FAM168A: variants seen among roughly 807,000 people sequenced by gnomAD.
FAM168A encodes protein FAM168A.
In FAM168A, 3 loss-of-function variants were observed where a neutral mutation model predicts 28.5. The ratio of observed to expected loss-of-function variants is 0.11; its 90% CI spans 0.05 to 0.27. FAM168A has a LOEUF of 0.27. Ranked by LOEUF, FAM168A falls within the 10% of genes least tolerant of loss-of-function variation. The pLI is 1.00. For synonymous variants in FAM168A, 122 were observed against 124.2 expected (o/e 0.98, Z 0.12); for missense variants, 222 against 311.5 (o/e 0.71, Z 2.16).
intron 1 of FAM168A, among the ~76,000 whole-genome samples, chr11:73,572,234 G>A (rs1377307875): frequency 8.0e-4 from 120 of 149,208 alleles, no homozygotes; most frequent in Admixed American, 2.5e-3. Flanking sequence ...CCGGCCAGCC[G>A]CCCCGTCCGG....
rs560834365 is a variant in FAM168A, at chr11:73,401,750, C to G, written c.*5013G>C. On this transcript the variant is annotated 3_prime_UTR_variant, in exon 8 of 8. Transcript: ENST00000356467. Reference sequence around the variant, plus strand: ...GCTTTGTGGCAGCCAGTCCCAACTCCTGTGTGCCTCGGTTGGCCTTTGGGT... The same window carrying G: ...GCTTTGTGGCAGCCAGTCCCAACTCGTGTGTGCCTCGGTTGGCCTTTGGGT... 25 of 152,376 alleles carry G rather than the reference C, an allele frequency of 1.6e-4. No homozygotes were observed. Among genetic ancestry groups the G allele is most frequent in the Admixed American group, 1.2e-3 (19 of 15,310 alleles). The allele number at this position is 152,376 out of a possible 1,614,324, so 9.4% of individuals were successfully genotyped here.
At position 73,430,750 on chromosome 11, in the gene FAM168A, C is replaced by T. The variant is rs1866974967; in HGVS notation, c.91G>A (p.Ala31Thr). The T allele has an allele frequency of 6.2e-7, 1 of 1,612,988 alleles. No homozygotes were observed. Among genetic ancestry groups the T allele is most frequent in the Admixed American group, 1.7e-5 (1 of 59,900 alleles). Residue 31 changes from alanine to threonine, a missense_variant, in exon 3 of 8, where the codon GCA becomes ACA. Ala to Thr is a moderately conservative substitution (Grantham distance 58). Coordinates refer to ENST00000356467, the MANE Select transcript of FAM168A (RefSeq NM_015159.3). Reference sequence around the variant, plus strand: ...CTGGGATTGTAGGCAGGGGCAGCTGCTGGATAGGCTGTGGGGTAACCTACA... The same window carrying T: ...CTGGGATTGTAGGCAGGGGCAGCTGTTGGATAGGCTGTGGGGTAACCTACA... The part of the protein sequence containing the change: ...AYTGYPTAYP[A>T]AAPAYNPSLY...
intron 4 of FAM168A, among the ~76,000 whole-genome samples, chr11:73,415,244 C>G (rs1399058522): frequency 6.6e-6 from 1 of 152,206 alleles, no homozygotes; most frequent in African/African-American, 2.4e-5. Flanking sequence ...TTTGTCCAGA[C>G]AGTCTGAGAT....
rs1273904817 is a variant in FAM168A, at chr11:73,401,350, A to T, written c.*5413T>A. ...TTTCAAGATTATTACAGACAACTCC[A>T]AGTAGCTAGAGGCCTGGCCTTACCC... On this transcript the variant is annotated 3_prime_UTR_variant, in exon 8 of 8. Transcript: ENST00000356467. 1 of 152,122 alleles carries T rather than the reference A, an allele frequency of 6.6e-6. No homozygotes were observed. Among genetic ancestry groups the T allele is most frequent in the Non-Finnish European group, 1.5e-5 (1 of 68,016 alleles). The allele number at this position is 152,122 out of a possible 1,614,324, so 9.4% of individuals were successfully genotyped here. A position where few individuals can be genotyped will look rare whatever the true frequency, so the allele number is the denominator to read the frequency against.
intron 1 of FAM168A, among the ~76,000 whole-genome samples, chr11:73,535,620 T>C (rs1445443986): frequency 1.3e-5 from 2 of 151,698 alleles, no homozygotes; most frequent in Non-Finnish European, 2.9e-5. Context: ...GGGGTTTCAC[T>C]GTGTTAGCCA....
intron 1 of FAM168A, chr11:73,510,755 T>C (rs927324255): frequency 5.3e-6 from 2 of 377,204 alleles, no homozygotes; most frequent in African/African-American, 4.2e-5. Flanking sequence ...TGAGCTATGA[T>C]ATCAATTGGC....
intron 1 of FAM168A, among the ~76,000 whole-genome samples, chr11:73,560,119 A>G (rs1565298501): frequency 6.6e-6 from 1 of 152,098 alleles, no homozygotes. Context: ...GCTGGAGTGC[A>G]GTGGCATGAA....
chr11:73,524,917 T>A (rs1376622293), intron 1 of FAM168A, among the ~76,000 whole-genome samples: 2 of 152,186 alleles, frequency 1.3e-5, no homozygotes, highest in Non-Finnish European at 2.9e-5. Context: ...AATACTGTAT[T>A]TTTAAGTGTT....
chr11:73,547,190 G>C (rs1943769488), intron 1 of FAM168A, among the ~76,000 whole-genome samples: 1 of 149,860 alleles, frequency 6.7e-6, no homozygotes, highest in South Asian at 2.1e-4. Context: ...GGAGGAAGAA[G>C]AAAGAAGAAG....
At chr11:73,457,723 C>CAAAAA (rs58142151) in intron 2 of FAM168A, among the ~76,000 whole-genome samples, 1,220 of 35,794 alleles carry the variant, frequency 0.034, 4 homozygotes, top group Non-Finnish European at 0.058. Flanking sequence ...GCCTGGGTGA[C>CAAAAA]AAAAAAAAAA....
Position 73,561,164 on chromosome 11 carries a change from C to T in FAM168A, c.-19+36759G>A, listed in dbSNP as rs192351979. Among the ~76,000 whole-genome samples the T allele has an allele frequency of 2.4e-3, 362 of 151,590 alleles. 10 individuals are homozygous for T. The highest frequency in any genetic ancestry group is 0.014 in the Middle Eastern group (4 of 290). On this transcript the variant is annotated intron_variant, in intron 1 of 7. Coordinates refer to ENST00000356467, the MANE Select transcript of FAM168A (RefSeq NM_015159.3). The stretch of plus-strand genomic sequence containing the variant: ...CTGAGGCAGGCGGATCACCTGAGGT[C>T]GGGAGTTCGAGATCAGCCTGACCAA...
intron 1 of FAM168A, among the ~76,000 whole-genome samples, chr11:73,563,776 T>C (rs1038882898): frequency 2.0e-5 from 3 of 152,226 alleles, no homozygotes; most frequent in Admixed American, 6.5e-5. Context: ...TTCAATCATT[T>C]ACCCAATTAA....
At chr11:73,472,094 C>T (rs960478259) in intron 1 of FAM168A, among the ~76,000 whole-genome samples, 2 of 152,006 alleles carry the variant, frequency 1.3e-5, no homozygotes, top group Non-Finnish European at 2.9e-5. Flanking sequence ...AAATCTAATG[C>T]CCCCCTCTCC....
intron 2 of FAM168A, among the ~76,000 whole-genome samples, chr11:73,466,263 G>A (rs941665435): frequency 1.3e-5 from 2 of 152,136 alleles, no homozygotes. Flanking sequence ...CCCTAGAAAT[G>A]GAAAAGACAA....
chr11:73,579,068 G>A (rs1944211571), intron 1 of FAM168A, among the ~76,000 whole-genome samples: 1 of 152,162 alleles, frequency 6.6e-6, no homozygotes, highest in African/African-American at 2.4e-5. Context: ...TCCTCACATA[G>A]TGGAAAGCAG....
intron 2 of FAM168A, among the ~76,000 whole-genome samples, chr11:73,459,694 A>C (rs1431336946): frequency 1.3e-5 from 2 of 152,094 alleles, no homozygotes; most frequent in African/African-American, 4.8e-5. Flanking sequence ...GGAATTGTCA[A>C]ATTTCAACTA....
intron 3 of FAM168A, among the ~76,000 whole-genome samples, chr11:73,426,596 AG>A (rs1472854645): frequency 6.6e-6 from 1 of 152,148 alleles, no homozygotes; most frequent in Admixed American, 6.5e-5. Context: ...TCTCCATGGT[AG>A]GAAGTCCCCC....
At chr11:73,499,559 G>A (rs1226097363) in intron 1 of FAM168A, among the ~76,000 whole-genome samples, 1 of 152,036 alleles carries the variant, frequency 6.6e-6, no homozygotes, top group Non-Finnish European at 1.5e-5. Flanking sequence ...TCAGAAGATG[G>A]GTAATAAAAA....
At chr11:73,587,247 T>C (rs1205589509) in intron 1 of FAM168A, among the ~76,000 whole-genome samples, 1 of 151,676 alleles carries the variant, frequency 6.6e-6, no homozygotes, top group Non-Finnish European at 1.5e-5. Context: ...TCCCAGAACT[T>C]TGGGAGGCCG....
Sources: gnomAD v4.1 joint callset for allele counts (sites outside exome capture counted in the v4.1 genomes callset) on GRCh38, gnomAD v4.1.1 for gene constraint, MANE v1.5 for transcripts, NCBI Gene and HGNC (gene_info 2026-07-23, HGNC 2026-07-21) for gene names.